VWDE: variants seen among roughly 807,000 people sequenced by gnomAD.
VWDE encodes the protein von Willebrand factor D and EGF domains, also known as von Willebrand factor D and EGF domain-containing protein.
A neutral mutation model predicts 178.4 loss-of-function variants in VWDE; 207 were observed. That is an observed-to-expected ratio of 1.16 (90% CI 1.04 to 1.30). VWDE has a LOEUF of 1.30. Ranked by LOEUF, VWDE falls within the 50% of genes most tolerant of loss-of-function variation. The pLI, the probability that VWDE is intolerant of heterozygous loss-of-function variation, is 0.00. For missense variants in VWDE, 2,287 were observed against 1,901.3 expected (o/e 1.20, Z -3.77); for synonymous variants, 738 against 651.4 (o/e 1.13, Z -2.02).
At chr7:12,344,325 A>G in intron 20 of VWDE, 35 bp from the exon 21 acceptor site, 2 of 1,550,254 alleles carry the variant, frequency 1.3e-6, no homozygotes, top group Admixed American at 2.0e-5. Context: ...TAGACATATC[A>G]ATTACCAAAT....
intron 19 of VWDE, among the ~76,000 whole-genome samples, chr7:12,347,091 T>C (rs1781646933): frequency 6.6e-6 from 1 of 152,022 alleles, no homozygotes; most frequent in African/African-American, 2.4e-5. Context: ...GTAAGCACAG[T>C]TGTGTCAAAA....
rs575468805 is a variant in VWDE, at chr7:12,332,421, A to G, written c.4758+1044T>C. On this transcript the variant is annotated intron_variant, in intron 28 of 28. Coordinates refer to ENST00000275358, the MANE Select transcript of VWDE (RefSeq NM_001135924.3). ...ATGATTTGCTATTGATCATATGAGG[A>G]AGGATTCAGATGGCAAATAAATACA... 3.8e-4 allele frequency among the ~76,000 whole-genome samples: 55 copies of G among 144,930 alleles called. No homozygotes were observed. In the East Asian group the frequency reaches 0.01, roughly 27 times the overall value.
At chr7:12,370,941 T>TA in intron 10 of VWDE, 77 bp from the exon 11 acceptor site, 4 of 1,145,390 alleles carry the variant, frequency 3.5e-6, no homozygotes, top group Non-Finnish European at 4.7e-6. Flanking sequence ...ATCTATTATT[T>TA]AAAAAATAAG....
At chr7:12,345,755 A>G (rs1200227735) in intron 19 of VWDE, among the ~76,000 whole-genome samples, 1 of 152,138 alleles carries the variant, frequency 6.6e-6, no homozygotes, top group Non-Finnish European at 1.5e-5. Flanking sequence ...TGAGATTTGT[A>G]CTGAGACTAC....
intron 1 of VWDE, among the ~76,000 whole-genome samples, chr7:12,395,818 A>C (rs1784595865): frequency 6.6e-6 from 1 of 152,146 alleles, no homozygotes; most frequent in Non-Finnish European, 1.5e-5. Context: ...TGATACAGTT[A>C]AGTGAGGATT....
intron 2 of VWDE, among the ~76,000 whole-genome samples, chr7:12,389,718 C>A (rs1055002747): frequency 6.6e-6 from 1 of 151,704 alleles, no homozygotes; most frequent in African/African-American, 2.4e-5. Context: ...ACACATAACA[C>A]AAAGATAAAC....
chr7:12,362,525 T>TA (rs1455464667), intron 13 of VWDE, among the ~76,000 whole-genome samples: 1 of 152,080 alleles, frequency 6.6e-6, no homozygotes, highest in African/African-American at 2.4e-5. Flanking sequence ...GAAGCCAGCA[T>TA]AATGTTCCAG....
chr7:12,380,738 G>GA lies in VWDE; in HGVS notation c.542-6_542-5insT. 1 of 1,550,842 alleles carries GA rather than the reference G, an allele frequency of 6.4e-7. No homozygotes were observed. Among genetic ancestry groups the GA allele is most frequent in the Non-Finnish European group, 8.7e-7 (1 of 1,146,550 alleles). On this transcript the variant is annotated splice_region_variant and splice_polypyrimidine_tract_variant and intron_variant, in intron 4 of 28. Coordinates refer to ENST00000275358, the MANE Select transcript of VWDE (RefSeq NM_001135924.3). ...GCAATGAGGCAGCCAGCTGACCTGG[G>GA]GAGAAAATGCATAATTTGTAACTGG...
intron 28 of VWDE, among the ~76,000 whole-genome samples, chr7:12,332,712 G>A (rs532915924): frequency 6.6e-6 from 1 of 152,038 alleles, no homozygotes; most frequent in Non-Finnish European, 1.5e-5. Context: ...TTTTCACAAT[G>A]GGGGCCAATC....
intron 3 of VWDE, among the ~76,000 whole-genome samples, chr7:12,388,288 AG>A (rs1440903803): frequency 6.6e-6 from 1 of 152,164 alleles, no homozygotes; most frequent in African/African-American, 2.4e-5. Flanking sequence ...ACATGTTATC[AG>A]GAGACATGTG....
intron 20 of VWDE, 23 bp downstream of exon 20, chr7:12,344,351 A>T: frequency 1.9e-6 from 3 of 1,549,084 alleles, no homozygotes; most frequent in Non-Finnish European, 2.6e-6. Flanking sequence ...TTATCATGCA[A>T]ACTAATGAAT....
At chr7:12,394,344 T>C (rs1159247990) in intron 1 of VWDE, among the ~76,000 whole-genome samples, 1 of 152,120 alleles carries the variant, frequency 6.6e-6, no homozygotes, top group African/African-American at 2.4e-5. Flanking sequence ...TTTTCCAAAG[T>C]TTTGGAAGTA....
At position 12,342,123 on chromosome 7, in the gene VWDE, G is replaced by A. The variant is rs1403827294; in HGVS notation, c.4206C>T (p.Gly1402=). 6.4e-7 allele frequency: 1 copy of A among 1,551,444 alleles called. No individual in the cohort carries two copies. The highest frequency in any genetic ancestry group is 2.0e-5 in the Admixed American group (1 of 50,982). Residue 1402 remains glycine (G), a synonymous_variant, in exon 23 of 29, where the codon GGC becomes GGT. Transcript: ENST00000275358. The part of the protein sequence containing the change: ...MVCNRHCENG[G]QCLTPDICQC... ...GGCAAATATCTGGTGTAAGACACTG[G>A]CCTCCATTTTCACAGTGCCTGTTAC... is the stretch of plus-strand genomic sequence containing the variant.
chr7:12,345,916 T>C (rs1039988124), intron 19 of VWDE, among the ~76,000 whole-genome samples: 3 of 152,158 alleles, frequency 2.0e-5, no homozygotes, highest in African/African-American at 7.2e-5. Flanking sequence ...GTAAATCTTG[T>C]ACTAATTAGT....
intron 18 of VWDE, among the ~76,000 whole-genome samples, chr7:12,355,534 CTTAT>C (rs1348149092): frequency 1.3e-5 from 2 of 152,006 alleles, no homozygotes; most frequent in East Asian, 3.9e-4. Flanking sequence ...TATATATTTA[CTTAT>C]TTAATATTTA....
intron 24 of VWDE, among the ~76,000 whole-genome samples, 187 bp downstream of exon 24, chr7:12,340,135 C>T (rs1781246142): frequency 6.6e-6 from 1 of 152,014 alleles, no homozygotes; most frequent in African/African-American, 2.4e-5. Flanking sequence ...TAAATATAAC[C>T]GTTTTACATA....
intron 19 of VWDE, among the ~76,000 whole-genome samples, 170 bp from the exon 20 acceptor site, chr7:12,344,639 G>A (rs1291207195): frequency 6.6e-6 from 1 of 152,098 alleles, no homozygotes; most frequent in Non-Finnish European, 1.5e-5. Flanking sequence ...TCTTGCTTAA[G>A]TTTAGTCTCA....
At chr7:12,352,760 T>C (rs1026080708) in intron 18 of VWDE, among the ~76,000 whole-genome samples, 1 of 152,162 alleles carries the variant, frequency 6.6e-6, no homozygotes, top group Admixed American at 6.5e-5. Context: ...GCTTCCTTAG[T>C]ACATAATTGT....
intron 21 of VWDE, 43 bp downstream of exon 21, chr7:12,344,152 T>G (rs954937610): frequency 6.7e-7 from 1 of 1,489,414 alleles, no homozygotes; most frequent in African/African-American, 1.4e-5. Flanking sequence ...AAAATTATGC[T>G]ATATTTTAGG....
Sources: gnomAD v4.1 joint callset for allele counts (sites outside exome capture counted in the v4.1 genomes callset) on GRCh38, gnomAD v4.1.1 for gene constraint, MANE v1.5 for transcripts, NCBI Gene and HGNC (gene_info 2026-07-23, HGNC 2026-07-21) for gene names.